The following GC variants were observed in gnomAD, a reference collection of about 807,000 sequenced individuals.
GC encodes the protein vitamin D-binding protein.
A neutral mutation model predicts 56.7 loss-of-function variants in GC; 43 were observed. The ratio of observed to expected loss-of-function variants is 0.76; its 90% CI spans 0.59 to 0.98. GC has a LOEUF of 0.98. GC is among the 50% of genes least tolerant of loss of function. The pLI is 0.00. For synonymous variants in GC, 216 were observed against 202.7 expected (o/e 1.07, Z -0.56); for missense variants, 529 against 545.9 (o/e 0.97, Z 0.31).
chr4:71,773,132 G>A (rs536526136), intron 1 of GC, among the ~76,000 whole-genome samples: 13 of 152,010 alleles, frequency 8.6e-5, no homozygotes, highest in Admixed American at 3.9e-4. Context: ...TGTACCATTC[G>A]GTTATAAAGA....
At chr4:71,745,982 G>A (rs222043) in intron 12 of GC, among the ~76,000 whole-genome samples, 169 bp downstream of exon 12, 11,539 of 151,532 alleles carry the variant, frequency 0.076, 551 homozygotes, top group African/African-American at 0.13. Flanking sequence ...GGCTGCTCTT[G>A]TATAAGTGTA....
chr4:71,751,191 G>T, intron 11 of GC, among the ~76,000 whole-genome samples: 1 of 152,098 alleles, frequency 6.6e-6, no homozygotes, highest in East Asian at 1.9e-4. Flanking sequence ...TTCTGAAAAA[G>T]GCCAGCAAAA....
intron 1 of GC, among the ~76,000 whole-genome samples, chr4:71,796,505 A>T (rs1325212983): frequency 1.3e-5 from 2 of 152,182 alleles, no homozygotes; most frequent in Non-Finnish European, 2.9e-5. Flanking sequence ...CATGGTTTTC[A>T]GCTCCATCAG....
chr4:71,772,156 A>G (rs1283177324), intron 1 of GC, among the ~76,000 whole-genome samples: 2 of 152,152 alleles, frequency 1.3e-5, no homozygotes, highest in African/African-American at 2.4e-5. Flanking sequence ...GCTGGGGATT[A>G]TAATCTAGTC....
At chr4:71,763,666 A>C (rs889015487) in intron 5 of GC, 138 bp downstream of exon 5, 1 of 796,448 alleles carries the variant, frequency 1.3e-6, no homozygotes, top group African/African-American at 1.7e-5. Flanking sequence ...TATTACATTT[A>C]TTTTCCAATT....
upstream of GC, among the ~76,000 whole-genome samples, chr4:71,805,138 G>A (rs2149312393): frequency 6.6e-6 from 1 of 152,196 alleles, no homozygotes; most frequent in Non-Finnish European, 1.5e-5. Flanking sequence ...CATGGGTTAT[G>A]GGAAACAACA....
intron 1 of GC, among the ~76,000 whole-genome samples, chr4:71,791,959 T>C (rs1560713583): frequency 6.6e-6 from 1 of 152,202 alleles, no homozygotes; most frequent in South Asian, 2.1e-4. Context: ...AATGATGGTT[T>C]CCAGCTTCAT....
intron 10 of GC, 76 bp from the exon 11 acceptor site, chr4:71,752,726 A>T (rs1178536356): frequency 1.6e-6 from 2 of 1,223,392 alleles, no homozygotes; most frequent in African/African-American, 3.0e-5. Flanking sequence ...AATAATAGCC[A>T]TTTCAGATCT....
intron 1 of GC, among the ~76,000 whole-genome samples, chr4:71,799,774 G>A (rs1470665188): frequency 6.6e-6 from 1 of 152,234 alleles, no homozygotes; most frequent in Non-Finnish European, 1.5e-5. Flanking sequence ...CAAAAAAGCA[G>A]TGAAGGTTGT....
chr4:71,789,001 T>C (rs1742909479), upstream of GC, among the ~76,000 whole-genome samples: 1 of 151,920 alleles, frequency 6.6e-6, no homozygotes, highest in African/African-American at 2.4e-5. Context: ...ATGAACTATT[T>C]TCCAACACTG....
In GC at chr4:71,756,888, A is replaced by T; in HGVS notation, c.858T>A (p.Cys286Ter). Residue 286 changes from cysteine to a stop codon, truncating the protein, a stop_gained, in exon 8 of 13, where the codon TGT becomes TGA. Coordinates refer to ENST00000273951, the MANE Select transcript of GC (RefSeq NM_000583.4). LOFTEE classifies it high-confidence loss of function. ...TAGAATTCTTTGTGGATAAATTGTC[A>T]CAGAGTTTTACTGTGTGTTCAGGCA... ...KELPEHTVKL[C>*]DNLSTKNSKF... The T allele has an allele frequency of 6.2e-7, 1 of 1,613,050 alleles. No individual in the cohort carries two copies. Among genetic ancestry groups the T allele is most frequent in the Non-Finnish European group, 8.5e-7 (1 of 1,179,040 alleles).
chr4:71,786,836 T>C (rs1002057977), upstream of GC, among the ~76,000 whole-genome samples: 42 of 151,920 alleles, frequency 2.8e-4, no homozygotes, highest in African/African-American at 8.2e-4. Flanking sequence ...AATGACCTTC[T>C]TCAGAATGAT....
At chr4:71,795,853 TG>T (rs1192566741) in intron 1 of GC, among the ~76,000 whole-genome samples, 2 of 152,206 alleles carry the variant, frequency 1.3e-5, no homozygotes, top group East Asian at 3.9e-4. Context: ...GCAGGTCTGG[TG>T]GTAACAAAAT....
intron 1 of GC, among the ~76,000 whole-genome samples, chr4:71,798,294 C>G (rs1414253658): frequency 6.6e-6 from 1 of 152,176 alleles, no homozygotes. Flanking sequence ...TCTTTGTCTA[C>G]TACATACTGT....
intron 1 of GC, among the ~76,000 whole-genome samples, chr4:71,791,180 T>A (rs1367694569): frequency 6.6e-6 from 1 of 152,142 alleles, no homozygotes; most frequent in African/African-American, 2.4e-5. Flanking sequence ...CAACAGTATA[T>A]CATTTACCAA....
At chr4:71,744,793 G>A (rs926229170) in intron 12 of GC, among the ~76,000 whole-genome samples, 12 of 152,132 alleles carry the variant, frequency 7.9e-5, no homozygotes, top group Non-Finnish European at 4.4e-5. Context: ...ATTATTATAT[G>A]GGGATTGAGA....
chr4:71,788,220 T>G (rs1401664341), upstream of GC, among the ~76,000 whole-genome samples: 1 of 151,908 alleles, frequency 6.6e-6, no homozygotes, highest in East Asian at 1.9e-4. Flanking sequence ...AATCCAGGTA[T>G]AATTTGAGTA....
At chr4:71,750,936 T>G (rs370474133) in intron 11 of GC, among the ~76,000 whole-genome samples, 1 of 152,086 alleles carries the variant, frequency 6.6e-6, no homozygotes. Context: ...CTAATTCTAA[T>G]TGGCATGAAA....
chr4:71,757,854 T>C (rs149096767), intron 7 of GC, among the ~76,000 whole-genome samples, 188 bp downstream of exon 7: 60 of 152,332 alleles, frequency 3.9e-4, no homozygotes, highest in African/African-American at 1.3e-3. Flanking sequence ...AACAAATTAT[T>C]GACCCTTACT....
Sources: gnomAD v4.1 joint callset for allele counts (sites outside exome capture counted in the v4.1 genomes callset) on GRCh38, gnomAD v4.1.1 for gene constraint, MANE v1.5 for transcripts, NCBI Gene and HGNC (gene_info 2026-07-23, HGNC 2026-07-21) for gene names.